LRP1B: variants seen among roughly 807,000 people sequenced by gnomAD.
The protein encoded by LRP1B is LDL receptor related protein 1B, also known as low-density lipoprotein receptor-related protein 1B.
A neutral mutation model predicts 556.6 loss-of-function variants in LRP1B; 217 were observed. That is an observed-to-expected ratio of 0.39 (90% CI 0.35 to 0.44). The LOEUF is 0.44. LRP1B is among the 20% of genes least tolerant of loss of function. LRP1B has a pLI of 1.00. For missense variants in LRP1B, 5,053 were observed against 5,620.8 expected (o/e 0.90, Z 3.23); for synonymous variants, 2,047 against 1,865.8 (o/e 1.10, Z -2.50).
At position 141,294,821 on chromosome 2, in the gene LRP1B, A is replaced by G. The variant is rs556673842; in HGVS notation, c.344-40180T>C. Among the ~76,000 whole-genome samples the G allele has an allele frequency of 6.8e-4, 103 of 151,750 alleles. 1 individual carries two copies. Among genetic ancestry groups the G allele is most frequent in the Non-Finnish European group, 1.1e-3 (76 of 67,912 alleles). On this transcript the variant is annotated intron_variant, in intron 3 of 90. Transcript: ENST00000389484. ...TATTATGCTATTTTTCAGAAATTCA[A>G]TTTGCAGTCAAATAAGATTTATTTC...
chr2:141,148,488 T>G (rs560088541), intron 7 of LRP1B, among the ~76,000 whole-genome samples: 1 of 152,270 alleles, frequency 6.6e-6, no homozygotes, highest in South Asian at 2.1e-4. Flanking sequence ...ATACTGTTTC[T>G]TCTGTTCTGG....
chr2:141,179,716 C>G (rs1479362623), intron 7 of LRP1B, among the ~76,000 whole-genome samples: 1 of 151,770 alleles, frequency 6.6e-6, no homozygotes, highest in Non-Finnish European at 1.5e-5. Flanking sequence ...GAGAAGAAAC[C>G]AACTTACATC....
At chr2:140,462,753 T>G (rs905503775) in intron 60 of LRP1B, among the ~76,000 whole-genome samples, 4 of 152,184 alleles carry the variant, frequency 2.6e-5, no homozygotes, top group Non-Finnish European at 5.9e-5. Flanking sequence ...ATATTTCTCA[T>G]ATTTTTTTCA....
At chr2:141,476,989 G>A (rs1425579284) in intron 3 of LRP1B, among the ~76,000 whole-genome samples, 1 of 151,988 alleles carries the variant, frequency 6.6e-6, no homozygotes, top group Non-Finnish European at 1.5e-5. Flanking sequence ...CAGGTGTGTT[G>A]GCGCATGCCT....
At chr2:141,431,334 G>A (rs888818424) in intron 3 of LRP1B, among the ~76,000 whole-genome samples, 1 of 151,954 alleles carries the variant, frequency 6.6e-6, no homozygotes, top group Non-Finnish European at 1.5e-5. Flanking sequence ...CTACACATAC[G>A]GACTGAGAAA....
intron 5 of LRP1B, among the ~76,000 whole-genome samples, chr2:141,246,119 G>T (rs1411327167): frequency 6.6e-6 from 1 of 152,184 alleles, no homozygotes; most frequent in Non-Finnish European, 1.5e-5. Context: ...AAATTATATA[G>T]TGATAGAGTA....
chr2:141,218,775 T>TA (rs953659166), intron 6 of LRP1B, among the ~76,000 whole-genome samples: 6 of 151,888 alleles, frequency 4.0e-5, no homozygotes, highest in African/African-American at 1.2e-4. Context: ...GAATCTACAA[T>TA]AAAAAAACAG....
chr2:141,919,178 G>A (rs1479786500), intron 1 of LRP1B, among the ~76,000 whole-genome samples: 1 of 151,974 alleles, frequency 6.6e-6, no homozygotes, highest in Non-Finnish European at 1.5e-5. Context: ...GCATACATAT[G>A]TATGATCTAT....
At chr2:141,328,113 A>G (rs1358653916) in intron 3 of LRP1B, among the ~76,000 whole-genome samples, 1 of 152,200 alleles carries the variant, frequency 6.6e-6, no homozygotes, top group African/African-American at 2.4e-5. Context: ...ACATGCCTCT[A>G]TATACTAGGT....
intron 2 of LRP1B, among the ~76,000 whole-genome samples, chr2:141,605,699 G>A (rs1687893264): frequency 6.6e-6 from 1 of 152,124 alleles, no homozygotes; most frequent in African/African-American, 2.4e-5. Flanking sequence ...TGCTAAATAG[G>A]AAAATACACT....
At chr2:141,411,410 A>T (rs1167607893) in intron 3 of LRP1B, among the ~76,000 whole-genome samples, 2 of 152,134 alleles carry the variant, frequency 1.3e-5, no homozygotes, top group Admixed American at 1.3e-4. Context: ...TTCAGAGAGA[A>T]AAACAGAAAA....
intron 17 of LRP1B, among the ~76,000 whole-genome samples, chr2:140,987,303 G>A (rs1002102627): frequency 6.7e-4 from 102 of 152,194 alleles, no homozygotes; most frequent in African/African-American, 2.3e-3. Flanking sequence ...TGGCATTTAA[G>A]TAAGTTATGT....
chr2:141,544,362 T>TCC (rs1186430790), intron 2 of LRP1B, among the ~76,000 whole-genome samples: 7 of 99,542 alleles, frequency 7.0e-5, no homozygotes, highest in African/African-American at 2.2e-4. Context: ...CTTCTTCTTC[T>TCC]TCTTCTTCTT....
At chr2:141,328,002 C>A (rs549733523) in intron 3 of LRP1B, among the ~76,000 whole-genome samples, 3 of 151,704 alleles carry the variant, frequency 2.0e-5, no homozygotes, top group South Asian at 2.1e-4. Flanking sequence ...ATAAGGATAC[C>A]AGAAGTCTGA....
intron 3 of LRP1B, among the ~76,000 whole-genome samples, chr2:141,269,776 A>G (rs1303084567): frequency 6.6e-6 from 1 of 152,214 alleles, no homozygotes; most frequent in Non-Finnish European, 1.5e-5. Context: ...CGACCCATAT[A>G]CAAGAAAAAA....
intron 66 of LRP1B, among the ~76,000 whole-genome samples, chr2:140,440,363 G>C (rs1686372143): frequency 1.3e-5 from 2 of 152,146 alleles, no homozygotes; most frequent in Non-Finnish European, 2.9e-5. Flanking sequence ...ATGTGAAATA[G>C]TGAAACACAC....
At chr2:141,996,085 C>G (rs955283420) in intron 1 of LRP1B, among the ~76,000 whole-genome samples, 23 of 152,138 alleles carry the variant, frequency 1.5e-4, no homozygotes, top group African/African-American at 5.5e-4. Context: ...AAGTCTGTCT[C>G]TACTCAAAAT....
chr2:140,326,876 A>G (rs940708394), intron 79 of LRP1B, among the ~76,000 whole-genome samples: 2 of 152,084 alleles, frequency 1.3e-5, no homozygotes, highest in Non-Finnish European at 2.9e-5. Flanking sequence ...CTACTTTTTT[A>G]GTTTCATTTT....
chr2:140,297,443 T>C (rs546826310), intron 84 of LRP1B, among the ~76,000 whole-genome samples: 2 of 152,190 alleles, frequency 1.3e-5, no homozygotes, highest in South Asian at 2.1e-4. Context: ...AATATAATTA[T>C]GAGTTTTTCT....
Sources: allele counts gnomAD v4.1 joint callset (sites outside exome capture counted in the v4.1 genomes callset), GRCh38; gene constraint gnomAD v4.1.1; transcripts MANE v1.5; gene names NCBI Gene and HGNC (gene_info 2026-07-23, HGNC 2026-07-21).